Variants in KIAA0319L observed in about 807,000 individuals in gnomAD.
KIAA0319L encodes dyslexia-associated protein KIAA0319-like protein.
Under a neutral mutation model 120.1 loss-of-function variants are expected in KIAA0319L, and 55 were observed. The observed-to-expected ratio is 0.46, with a 90% CI of 0.37 to 0.57. KIAA0319L has a LOEUF of 0.57. Among genes scored for constraint, KIAA0319L ranks in the 20% least tolerant of loss-of-function variants. The pLI is 0.00. For synonymous variants in KIAA0319L, 398 were observed against 471.9 expected, an observed-to-expected ratio of 0.84 and a Z score of 2.03; for missense variants, 1,049 against 1,255.3, an observed-to-expected ratio of 0.84 and a Z score of 2.48.
intron 4 of KIAA0319L, among the ~76,000 whole-genome samples, chr1:35,476,607 A>G (rs1204202846): frequency 6.6e-6 from 1 of 152,224 alleles, no homozygotes; most frequent in Non-Finnish European, 1.5e-5. Flanking sequence ...TTTCAAAAAA[A>G]GAAAAGAAAG....
chr1:35,442,927 T>C lies in KIAA0319L; in HGVS notation c.2758A>G (p.Arg920Gly). The change falls in exon 18 of 21, where the codon AGG becomes GGG. Residue 920 changes from arginine to glycine, a missense_variant. Transcript: ENST00000325722. ...WMENFIKVQLRDGDSNCEWSV... is the reference protein window; with the variant it reads ...WMENFIKVQLGDGDSNCEWSV... ...TCACCACAGTTGCTGTCTCCATCCCTCAGCTGCACCTTGATGAAATTCTCC... is the reference window on the plus strand; with the variant it reads ...TCACCACAGTTGCTGTCTCCATCCCCCAGCTGCACCTTGATGAAATTCTCC... 1 of 1,614,210 alleles carries C rather than the reference T, an allele frequency of 6.2e-7. No individual in the cohort carries two copies. The highest frequency in any genetic ancestry group is 8.5e-7 in the Non-Finnish European group (1 of 1,180,026).
chr1:35,464,636 C>A (rs1643126164), intron 7 of KIAA0319L, among the ~76,000 whole-genome samples: 1 of 152,186 alleles, frequency 6.6e-6, no homozygotes, highest in East Asian at 1.9e-4. Context: ...CACAAATCTG[C>A]ATTAGTAATG....
intron 2 of KIAA0319L, among the ~76,000 whole-genome samples, chr1:35,521,249 G>A (rs1266943026): frequency 6.6e-6 from 1 of 152,170 alleles, no homozygotes; most frequent in Admixed American, 6.5e-5. Context: ...TGAGGCAAGA[G>A]AATCACTTGA....
chr1:35,517,511 T>A (rs548435018), intron 2 of KIAA0319L, among the ~76,000 whole-genome samples: 1 of 152,220 alleles, frequency 6.6e-6, no homozygotes, highest in Admixed American at 6.5e-5. Context: ...GCTAGCCATA[T>A]GCAGAAGATT....
chr1:35,506,912 G>C lies in KIAA0319L; in HGVS notation c.366C>G (p.His122Gln), dbSNP rs1645228034. ...AAAACACCAGCATGGAATTGGAGGA[G>C]TGTGTCCTAAAAGCCCGGCAGCTCT... The part of the protein sequence containing the change: ...RPQSCRAFRT[H>Q]SSNSMLVFLK... Residue 122 changes from histidine (H) to glutamine (Q), a missense_variant, in exon 3 of 21, where the codon CAC becomes CAG. Physicochemically the swap from His to Gln is conservative, Grantham distance 24. Transcript: ENST00000325722. The surrounding 1 kb of genome is among the most constrained non-coding windows in gnomAD (Gnocchi z 4.0). 3.1e-6 allele frequency: 5 copies of C among 1,614,214 alleles called. No individual in the cohort carries two copies. Among genetic ancestry groups the C allele is most frequent in the Middle Eastern group, 1.6e-4 (1 of 6,062 alleles).
intron 12 of KIAA0319L, 155 bp from the exon 13 acceptor site, chr1:35,451,931 A>T (rs1642096320): frequency 1.2e-6 from 1 of 802,358 alleles, no homozygotes; most frequent in African/African-American, 1.7e-5. Context: ...CAATTGGACA[A>T]AGTGTCATTT....
chr1:35,539,175 G>A (rs944246930), intron 2 of KIAA0319L, among the ~76,000 whole-genome samples: 6 of 152,098 alleles, frequency 3.9e-5, no homozygotes, highest in African/African-American at 2.4e-5. Context: ...ACTGACAGAG[G>A]CAGCCATGCT....
intron 2 of KIAA0319L, among the ~76,000 whole-genome samples, chr1:35,530,310 A>G (rs1646314945): frequency 6.6e-6 from 1 of 151,924 alleles, no homozygotes. Flanking sequence ...ACAGCCATGA[A>G]CCACTGCACC....
rs751387415 is a variant in KIAA0319L at position 35,506,654 on chromosome 1, G to C, written c.624C>G (p.Asp208Glu). The C allele has an allele frequency of 2.2e-5, 36 of 1,614,042 alleles. No homozygotes were observed. Among genetic ancestry groups the C allele is most frequent in the Non-Finnish European group, 3.1e-5 (36 of 1,180,000 alleles). The change falls in exon 3 of 21, where the codon GAC becomes GAG. Residue 208 changes from aspartate to glutamate, a missense_variant. Physicochemically the swap from Asp to Glu is conservative, Grantham distance 45. Transcript: ENST00000325722. This position sits in a 1 kb window ranked among gnomAD's most constrained non-coding sequence, Gnocchi z 4.0. ...PIVTQHSKVNDSNELGGLTTS... is the reference protein window; with the variant it reads ...PIVTQHSKVNESNELGGLTTS... The stretch of plus-strand genomic sequence containing the variant: ...TAGTCAGACCACCTAATTCGTTGGA[G>C]TCATTCACTTTAGAATGCTGTGTCA...
intron 15 of KIAA0319L, among the ~76,000 whole-genome samples, chr1:35,448,623 G>C (rs1329973192): frequency 6.6e-6 from 1 of 152,198 alleles, no homozygotes; most frequent in Non-Finnish European, 1.5e-5. Flanking sequence ...GTGGGGAAGA[G>C]AGAAACACTT....
intron 3 of KIAA0319L, among the ~76,000 whole-genome samples, chr1:35,480,020 A>G (rs1304347469): frequency 1.4e-5 from 2 of 146,772 alleles, no homozygotes; most frequent in Non-Finnish European, 3.0e-5. Flanking sequence ...GAGAAAGAGT[A>G]TGGAAAAGAA....
At chr1:35,494,861 G>C (rs543293217) in intron 3 of KIAA0319L, among the ~76,000 whole-genome samples, 67 of 151,066 alleles carry the variant, frequency 4.4e-4, no homozygotes, top group African/African-American at 1.6e-3. Flanking sequence ...TGTCAATATA[G>C]GCAAACAGAT....
chr1:35,495,654 T>TG (rs1455834737), intron 3 of KIAA0319L, among the ~76,000 whole-genome samples: 2 of 151,834 alleles, frequency 1.3e-5, no homozygotes, highest in Non-Finnish European at 2.9e-5. Context: ...TGTTTGTTTG[T>TG]TTGTTGTTGT....
Position 35,474,796 on chromosome 1 carries a change from G to C in KIAA0319L, c.1015+9C>G. The stretch of plus-strand genomic sequence containing the variant: ...AAAAACGGTTATCCAAATGTAAGGG[G>C]ATGTTTACCTTTAGGTGGTTCTTGG... On this transcript the variant is annotated intron_variant, in intron 5 of 20. Transcript: ENST00000325722. 2 of 1,499,414 alleles carry C rather than the reference G, an allele frequency of 1.3e-6. No homozygotes were observed. Among genetic ancestry groups the C allele is most frequent in the Non-Finnish European group, 1.9e-6 (2 of 1,077,226 alleles). 92.9% of individuals were successfully genotyped at this position (1,499,414 alleles called of 1,614,324 possible).
chr1:35,534,356 C>T (rs371750909), intron 2 of KIAA0319L, among the ~76,000 whole-genome samples: 2 of 152,206 alleles, frequency 1.3e-5, no homozygotes, highest in Admixed American at 6.5e-5. Context: ...CCTCATGGAA[C>T]TACTTGCCCA....
intron 2 of KIAA0319L, among the ~76,000 whole-genome samples, chr1:35,541,667 C>T (rs146336872): frequency 2.0e-4 from 30 of 152,194 alleles, no homozygotes; most frequent in South Asian, 1.2e-3. Context: ...TACTTCTAAC[C>T]CAAAACCCAA....
intron 3 of KIAA0319L, among the ~76,000 whole-genome samples, chr1:35,504,713 T>C (rs1388926317): frequency 1.3e-5 from 2 of 152,192 alleles, no homozygotes; most frequent in African/African-American, 4.8e-5. Flanking sequence ...GTCAACTGTA[T>C]ATTCTCGCCC....
chr1:35,522,327 T>A (rs976337073), intron 2 of KIAA0319L, among the ~76,000 whole-genome samples: 2 of 152,298 alleles, frequency 1.3e-5, no homozygotes, highest in Non-Finnish European at 1.5e-5. Context: ...TCACCCAGGC[T>A]GGAGGGCAGT....
At position 35,434,899 on chromosome 1, in the gene KIAA0319L, G is replaced by A; in HGVS notation, c.3145C>T (p.Leu1049=). 6.2e-7 allele frequency: 1 copy of A among 1,612,252 alleles called. No homozygotes were observed. Among genetic ancestry groups the A allele is most frequent in the Non-Finnish European group, 8.5e-7 (1 of 1,179,826 alleles). The change falls in exon 21 of 21, where the codon CTG becomes TTG. Residue 1049 remains leucine (L), a synonymous_variant. Coordinates refer to ENST00000325722, the MANE Select transcript of KIAA0319L (RefSeq NM_024874.5). ...LKARSPREEI[L] ...TGAGGAGACAGACCAGGTGGCTACA[G>A]GATCTCCTCCCGCGGGCTCCTGGCC...
Sources: allele counts gnomAD v4.1 joint callset (sites outside exome capture counted in the v4.1 genomes callset), GRCh38; gene constraint gnomAD v4.1.1; non-coding constraint Gnocchi (gnomAD v3.1); transcripts MANE v1.5; gene names NCBI Gene and HGNC (gene_info 2026-07-23, HGNC 2026-07-21).